CNBD1: variants seen among roughly 807,000 people sequenced by gnomAD.
CNBD1 encodes cyclic nucleotide-binding domain-containing protein 1.
A neutral mutation model predicts 54.4 loss-of-function variants in CNBD1; 71 were observed. That is an observed-to-expected ratio of 1.30 (90% confidence interval 1.08 to 1.59). CNBD1 has a LOEUF of 1.59. Among genes scored for constraint, CNBD1 ranks in the 40% most tolerant of loss-of-function variants. CNBD1 has a pLI of 0.00. For synonymous variants in CNBD1, 182 were observed against 170.7 expected (o/e 1.07, Z -0.51); for missense variants, 659 against 518.0 (o/e 1.27, Z -2.64).
intron 4 of CNBD1, among the ~76,000 whole-genome samples, chr8:87,011,812 T>C (rs1214624701): frequency 6.6e-6 from 1 of 152,132 alleles, no homozygotes; most frequent in Admixed American, 6.5e-5. Context: ...GAAGACTAAT[T>C]GAAACTCTGG....
chr8:87,234,068 A>T (rs1261365360), intron 5 of CNBD1, among the ~76,000 whole-genome samples: 1 of 152,194 alleles, frequency 6.6e-6, no homozygotes, highest in African/African-American at 2.4e-5. Flanking sequence ...TATTTGGTTT[A>T]AGTTTTACCA....
intron 4 of CNBD1, among the ~76,000 whole-genome samples, chr8:86,963,451 G>A (rs561275669): frequency 2.6e-5 from 4 of 152,256 alleles, no homozygotes; most frequent in Non-Finnish European, 4.4e-5. Context: ...GGAGAAAAAG[G>A]TGCCTCAGGG....
chr8:87,302,009 C>G (rs985386503), intron 8 of CNBD1, among the ~76,000 whole-genome samples: 6 of 151,924 alleles, frequency 3.9e-5, no homozygotes, highest in Admixed American at 3.9e-4. Flanking sequence ...GCTTACCAAC[C>G]AAAAAAAGTC....
chr8:87,358,516 C>T (rs1810464501), intron 10 of CNBD1, among the ~76,000 whole-genome samples: 2 of 151,790 alleles, frequency 1.3e-5, no homozygotes, highest in South Asian at 4.2e-4. Context: ...ACACTGTGGA[C>T]TCTTTTATGT....
chr8:87,385,839 C>T (rs1470778875), downstream of CNBD1, among the ~76,000 whole-genome samples: 1 of 152,146 alleles, frequency 6.6e-6, no homozygotes, highest in African/African-American at 2.4e-5. Flanking sequence ...TCCCTGACCC[C>T]CGAGTAGCCT....
chr8:87,386,266 T>A (rs1048000969), downstream of CNBD1, among the ~76,000 whole-genome samples: 1 of 152,140 alleles, frequency 6.6e-6, no homozygotes, highest in Admixed American at 6.5e-5. Flanking sequence ...GGAATGAGAA[T>A]GACTTTAACG....
intron 2 of CNBD1, among the ~76,000 whole-genome samples, chr8:86,903,039 A>G (rs988378302): frequency 7.9e-5 from 12 of 152,236 alleles, no homozygotes; most frequent in Middle Eastern, 6.8e-3. Context: ...AATATAAATT[A>G]TAGCATTACA....
intron 4 of CNBD1, among the ~76,000 whole-genome samples, chr8:87,018,453 C>CT (rs1198118915): frequency 3.9e-5 from 6 of 152,072 alleles, no homozygotes; most frequent in Non-Finnish European, 7.4e-5. Flanking sequence ...TCAGCCTTAA[C>CT]TTTTTTTAAG....
chr8:87,134,982 T>C (rs1045684071), intron 4 of CNBD1, among the ~76,000 whole-genome samples: 7 of 152,140 alleles, frequency 4.6e-5, no homozygotes, highest in Non-Finnish European at 7.4e-5. Flanking sequence ...TTGAGGCTTA[T>C]AGTGTTTATT....
chr8:87,186,200 ACC>A (rs1813472290), intron 4 of CNBD1, among the ~76,000 whole-genome samples: 6 of 152,204 alleles, frequency 3.9e-5, no homozygotes, highest in Admixed American at 2.6e-4. Context: ...ATAATTAAAT[ACC>A]TATTTGATAT....
intron 4 of CNBD1, among the ~76,000 whole-genome samples, chr8:87,068,612 G>A (rs2130649084): frequency 6.6e-6 from 1 of 152,018 alleles, no homozygotes; most frequent in Admixed American, 6.6e-5. Context: ...TAAAAGCAAG[G>A]GATATATAGT....
At chr8:87,258,434 TTC>T (rs1476033118) in intron 6 of CNBD1, among the ~76,000 whole-genome samples, 13 of 79,470 alleles carry the variant, frequency 1.6e-4, no homozygotes, top group African/African-American at 8.1e-4. Flanking sequence ...TTTCTTTTTT[TTC>T]TTTTTAAGAT....
chr8:86,980,068 T>C (rs578138183), intron 4 of CNBD1, among the ~76,000 whole-genome samples: 1 of 152,374 alleles, frequency 6.6e-6, no homozygotes, highest in South Asian at 2.1e-4. Flanking sequence ...CTTGCTTTTT[T>C]CTGTTATGAC....
At chr8:87,361,689 A>AATATATATATATATATATATATATATAT (rs71277937) in intron 10 of CNBD1, among the ~76,000 whole-genome samples, 3 of 143,400 alleles carry the variant, frequency 2.1e-5, no homozygotes, top group Admixed American at 7.0e-5. Flanking sequence ...TAGTTGGATG[A>AATATATATATATATATATATATATATAT]ATATATATAT....
At chr8:86,927,860 G>GT (rs1196944159) in intron 3 of CNBD1, among the ~76,000 whole-genome samples, 1 of 152,098 alleles carries the variant, frequency 6.6e-6, no homozygotes, top group Non-Finnish European at 1.5e-5. Flanking sequence ...AATAGGAGAC[G>GT]TAAGTCCTCC....
chr8:86,881,487 A>T (rs1753879713), intron 1 of CNBD1, among the ~76,000 whole-genome samples: 3 of 152,164 alleles, frequency 2.0e-5, no homozygotes. Context: ...CTACAAGGAG[A>T]ACTATAAACA....
intron 8 of CNBD1, among the ~76,000 whole-genome samples, chr8:87,336,776 C>G (rs376487969): frequency 2.6e-5 from 4 of 152,136 alleles, no homozygotes; most frequent in African/African-American, 7.2e-5. Context: ...AAGAGCCACT[C>G]TGGCCTTTTG....
At chr8:87,115,377 G>A (rs1247251269) in intron 4 of CNBD1, among the ~76,000 whole-genome samples, 2 of 152,082 alleles carry the variant, frequency 1.3e-5, no homozygotes, top group Non-Finnish European at 2.9e-5. Context: ...TTGTTGTGTA[G>A]ATTAAGGTAT....
chr8:87,378,816 C>T (rs571963449), intron 10 of CNBD1, among the ~76,000 whole-genome samples: 180 of 150,600 alleles, frequency 1.2e-3, no homozygotes, highest in Non-Finnish European at 1.8e-3. Flanking sequence ...TGTTTGTATC[C>T]GCTTTTATTT....
Sources: gnomAD v4.1 joint callset for allele counts (sites outside exome capture counted in the v4.1 genomes callset) on GRCh38, gnomAD v4.1.1 for gene constraint, MANE v1.5 for transcripts, NCBI Gene and HGNC (gene_info 2026-07-23, HGNC 2026-07-21) for gene names.